The following GPHN variants were observed in gnomAD, a reference collection of about 807,000 sequenced individuals.
The protein encoded by GPHN is gephyrin.
Under a neutral mutation model 95.5 loss-of-function variants are expected in GPHN, and 17 were observed. The ratio of observed to expected loss-of-function variants is 0.18; its 90% CI spans 0.12 to 0.27. The LOEUF is 0.27. GPHN is among the 10% of genes least tolerant of loss of function. GPHN has a pLI of 1.00. For synonymous variants in GPHN, 320 were observed against 322.5 expected, an observed-to-expected ratio of 0.99 and a Z score of 0.08; for missense variants, 660 against 978.1, an observed-to-expected ratio of 0.67 and a Z score of 4.34.
chr14:67,632,707 GA>G, the GPHN span, among the ~76,000 whole-genome samples: 5 of 150,448 alleles, frequency 3.3e-5, no homozygotes, highest in Non-Finnish European at 7.4e-5. Flanking sequence ...TAGTCATTAT[GA>G]AGATTCACAT....
chr14:67,070,715 A>AAAATATATATATATATATATAT, intron 11 of GPHN, among the ~76,000 whole-genome samples: 1 of 80,698 alleles, frequency 1.2e-5, no homozygotes, highest in African/African-American at 1.3e-4. Flanking sequence ...AAAAAAAAAA[A>AAAATATATATATATATATATAT]ATATATATAT....
chr14:67,040,981 T>C (rs957890451), intron 10 of GPHN, among the ~76,000 whole-genome samples: 2 of 152,220 alleles, frequency 1.3e-5, no homozygotes, highest in Non-Finnish European at 2.9e-5. Flanking sequence ...TTTGTTTTTC[T>C]TGAGGCTTTT....
At chr14:66,660,965 G>A (rs1276130123) in intron 1 of GPHN, among the ~76,000 whole-genome samples, 2 of 152,112 alleles carry the variant, frequency 1.3e-5, no homozygotes, top group South Asian at 2.1e-4. Flanking sequence ...TTCCACCAGG[G>A]CCTTCGGTCT....
At chr14:66,775,888 G>T (rs2059363170) in intron 2 of GPHN, among the ~76,000 whole-genome samples, 1 of 152,132 alleles carries the variant, frequency 6.6e-6, no homozygotes, top group African/African-American at 2.4e-5. Flanking sequence ...CTTGGACAGT[G>T]CTGGGCACAC....
the GPHN span, chr14:67,292,501 C>G: frequency 4.4e-6 from 7 of 1,573,218 alleles, no homozygotes; most frequent in African/African-American, 8.1e-5. Context: ...ACCTTTTCTT[C>G]TTCTACTAGA....
At chr14:67,164,270 CA>C (rs780524695) in intron 19 of GPHN, among the ~76,000 whole-genome samples, 387 of 46,634 alleles carry the variant, frequency 8.3e-3, no homozygotes, top group African/African-American at 0.016. Context: ...ACTCCATCTC[CA>C]AAAAAAAAAA....
At chr14:67,303,426 T>C in the GPHN span, 2 of 933,172 alleles carry the variant, frequency 2.1e-6, no homozygotes, top group African/African-American at 1.6e-5. Context: ...GTGGAGGGGT[T>C]CTGAAATAGT....
At chr14:67,522,833 T>C in the GPHN span, among the ~76,000 whole-genome samples, 9 of 152,168 alleles carry the variant, frequency 5.9e-5, no homozygotes, top group Admixed American at 1.3e-4. Context: ...CTTTTTACCC[T>C]CCTTGTCCTG....
At chr14:66,791,114 G>T (rs990571509) in intron 3 of GPHN, among the ~76,000 whole-genome samples, 4 of 152,138 alleles carry the variant, frequency 2.6e-5, no homozygotes, top group African/African-American at 9.7e-5. Flanking sequence ...ATCAAGAGGG[G>T]CTTTTAACCC....
intron 9 of GPHN, among the ~76,000 whole-genome samples, chr14:66,974,394 A>G (rs1245876926): frequency 6.6e-6 from 1 of 151,910 alleles, no homozygotes; most frequent in Non-Finnish European, 1.5e-5. Flanking sequence ...TTATCATTAT[A>G]ATGATAATTG....
At chr14:66,833,151 A>T (rs1320010080) in intron 4 of GPHN, among the ~76,000 whole-genome samples, 6 of 152,174 alleles carry the variant, frequency 3.9e-5, no homozygotes. Context: ...TTTGTAAAAG[A>T]AAGAGGCTTA....
the GPHN span, among the ~76,000 whole-genome samples, chr14:67,381,197 T>C: frequency 6.6e-6 from 1 of 152,218 alleles, no homozygotes; most frequent in Non-Finnish European, 1.5e-5. Context: ...ATAGAACAGA[T>C]AAACCTTAAC....
chr14:67,375,794 T>A, the GPHN span, among the ~76,000 whole-genome samples: 3 of 152,212 alleles, frequency 2.0e-5, no homozygotes, highest in Non-Finnish European at 4.4e-5. Flanking sequence ...AAATACAGAC[T>A]CTCAGGTCCT....
At chr14:67,197,134 G>T in the GPHN span, 1 of 152,266 alleles carries the variant, frequency 6.6e-6, no homozygotes, top group Admixed American at 6.5e-5. Flanking sequence ...TTGCTATGTT[G>T]CCCAGGCTGT....
chr14:67,475,636 C>T, the GPHN span, among the ~76,000 whole-genome samples: 3 of 152,294 alleles, frequency 2.0e-5, no homozygotes, highest in East Asian at 5.8e-4. Context: ...TGTCTTTGCT[C>T]CATTAAATGG....
the GPHN span, among the ~76,000 whole-genome samples, chr14:67,186,951 A>AGG: frequency 6.6e-6 from 1 of 152,172 alleles, no homozygotes; most frequent in Non-Finnish European, 1.5e-5. Flanking sequence ...AAACGAAAAT[A>AGG]AGCCCACATG....
chr14:66,837,274 A>C (rs896944570), intron 4 of GPHN, among the ~76,000 whole-genome samples: 3 of 151,612 alleles, frequency 2.0e-5, no homozygotes, highest in African/African-American at 7.3e-5. Context: ...ATAAAAAATG[A>C]TGAGTTCATG....
At chr14:67,690,242 A>G in the GPHN span, 22 of 1,613,804 alleles carry the variant, frequency 1.4e-5, no homozygotes, top group Non-Finnish European at 1.9e-5. Context: ...TCCTGGGTGA[A>G]GAGGATGTTG....
intron 1 of GPHN, among the ~76,000 whole-genome samples, chr14:66,596,699 C>T (rs1024544083): frequency 1.3e-5 from 2 of 152,208 alleles, no homozygotes; most frequent in East Asian, 1.9e-4. Context: ...GGAGCAGTCA[C>T]TTACAAGCTT....
Sources: gnomAD v4.1 joint callset for allele counts (sites outside exome capture counted in the v4.1 genomes callset) on GRCh38, gnomAD v4.1.1 for gene constraint, MANE v1.5 for transcripts, NCBI Gene and HGNC (gene_info 2026-07-23, HGNC 2026-07-21) for gene names.